Variants in BAZ1B observed in about 807,000 individuals in gnomAD.
The protein encoded by BAZ1B is bromodomain adjacent to zinc finger domain 1B, also known as tyrosine-protein kinase BAZ1B.
In BAZ1B, 22 loss-of-function variants were observed where a neutral mutation model predicts 153.8. The ratio of observed to expected loss-of-function variants is 0.14; its 90% CI spans 0.10 to 0.20. The LOEUF (loss-of-function observed/expected upper bound fraction) is 0.20, where lower values mean the gene tolerates loss of function less well. Ranked by LOEUF, BAZ1B falls within the 10% of genes least tolerant of loss-of-function variation. The pLI is 1.00. For missense variants in BAZ1B, 1,325 were observed against 1,799.3 expected (o/e 0.74, Z 4.77); for synonymous variants, 676 against 633.4 (o/e 1.07, Z -1.01).
chr7:73,470,395 G>C lies in BAZ1B; in HGVS notation c.2682C>G (p.Ala894=), dbSNP rs146705915. The C allele has an allele frequency of 3.1e-6, 5 of 1,613,976 alleles. No homozygotes were observed. The African/African-American group carries it at 5.3e-5, about 17-fold the overall frequency. ...EKAFQEGIAK[A]KLVMRRTPIG... is the part of the protein sequence containing the mutation. ...TAGGAGTCCTGCGCATGACTAGTTT[G>C]GCCTTGGCAATCCCTTCCTGGAAAG... The change falls in exon 8 of 20, where the codon GCC becomes GCG. Residue 894 remains alanine, a synonymous_variant. Coordinates refer to ENST00000339594, the MANE Select transcript of BAZ1B (RefSeq NM_032408.4).
chr7:73,509,878 G>A (rs1048527593), intron 2 of BAZ1B, among the ~76,000 whole-genome samples: 5 of 152,078 alleles, frequency 3.3e-5, no homozygotes, highest in African/African-American at 1.2e-4. Flanking sequence ...TGTAATCCCA[G>A]CACTTTGGGA....
At chr7:73,501,686 C>T (rs572411373) in intron 3 of BAZ1B, among the ~76,000 whole-genome samples, 7 of 152,226 alleles carry the variant, frequency 4.6e-5, no homozygotes, top group Non-Finnish European at 8.8e-5. Context: ...GGCCTTCACA[C>T]ACCCTGTTCT....
chr7:73,489,117 T>G (rs932232182), intron 6 of BAZ1B, 77 bp downstream of exon 6: 1 of 1,426,952 alleles, frequency 7.0e-7, no homozygotes, highest in Admixed American at 2.0e-5. Flanking sequence ...AAACCTGCTA[T>G]AAATATAAAT....
At chr7:73,456,373 A>G (rs1198153320) in intron 13 of BAZ1B, among the ~76,000 whole-genome samples, 1 of 152,238 alleles carries the variant, frequency 6.6e-6, no homozygotes, top group Non-Finnish European at 1.5e-5. Context: ...AAGGCTACCC[A>G]TGGAACTGGA....
chr7:73,459,557 C>G lies in BAZ1B; in HGVS notation c.3411G>C (p.Lys1137Asn). 1 of 1,612,948 alleles carries G rather than the reference C, an allele frequency of 6.2e-7. No homozygotes were observed. Among genetic ancestry groups the G allele is most frequent in the Admixed American group, 1.7e-5 (1 of 59,538 alleles). ...ATACCTTTGCTTCCTCTACCATTTT[C>G]TTCTCTTCATCCACTTCCTCAGTTT... The part of the protein sequence containing the change: ...SAKTEEVDEE[K>N]KMVEEAKVAS... The change falls in exon 13 of 20, where the codon AAG becomes AAC. Residue 1137 changes from lysine (K) to asparagine (N), a missense_variant. Transcript: ENST00000339594.
chr7:73,443,930 G>A, intron 17 of BAZ1B, 54 bp downstream of exon 17: 1 of 1,608,458 alleles, frequency 6.2e-7, no homozygotes, highest in Non-Finnish European at 8.5e-7. Context: ...CTAATTGCTG[G>A]GGTAGGGAAT....
At position 73,447,477 on chromosome 7, in the gene BAZ1B, A is replaced by G. The variant is rs147248214; in HGVS notation, c.3729-98T>C. ...CAGGGATCAGGAAACTTCTCTTCAC[A>G]GACTACATATGTATAACGTATGATA... On this transcript the variant is annotated intron_variant, in intron 15 of 19. Transcript: ENST00000339594. The G allele has an allele frequency of 6.5e-5, 89 of 1,376,244 alleles. No homozygotes were observed. The African/African-American group carries it at 1.2e-3, about 18-fold the overall frequency. 85.3% of individuals were successfully genotyped at this position (1,376,244 alleles called of 1,614,324 possible).
At chr7:73,501,443 G>A (rs922326080) in intron 3 of BAZ1B, among the ~76,000 whole-genome samples, 2 of 152,114 alleles carry the variant, frequency 1.3e-5, no homozygotes, top group Non-Finnish European at 2.9e-5. Flanking sequence ...TCCCAGTACA[G>A]TACAGGGGTA....
At chr7:73,462,231 A>G (rs1788421508) in intron 12 of BAZ1B, among the ~76,000 whole-genome samples, 2 of 152,150 alleles carry the variant, frequency 1.3e-5, no homozygotes, top group South Asian at 2.1e-4. Flanking sequence ...AGGGGACTTC[A>G]TTTCTTTAAA....
chr7:73,486,305 T>C (rs1205301827), intron 6 of BAZ1B, among the ~76,000 whole-genome samples: 1 of 152,108 alleles, frequency 6.6e-6, no homozygotes, highest in African/African-American at 2.4e-5. Flanking sequence ...GCCCTCACTA[T>C]GGGTCCTTTG....
intron 9 of BAZ1B, among the ~76,000 whole-genome samples, chr7:73,468,947 T>C (rs1788694680): frequency 6.6e-6 from 1 of 152,058 alleles, no homozygotes; most frequent in Admixed American, 6.6e-5. Flanking sequence ...TTGGCCAACA[T>C]GGCGAAACCC....
chr7:73,493,738 C>T (rs1272948339), intron 4 of BAZ1B, among the ~76,000 whole-genome samples: 1 of 149,014 alleles, frequency 6.7e-6, no homozygotes, highest in African/African-American at 2.5e-5. Flanking sequence ...GCAACTTGGG[C>T]GGCTAGGGTA....
intron 9 of BAZ1B, among the ~76,000 whole-genome samples, chr7:73,468,704 A>G (rs1788685505): frequency 6.6e-6 from 1 of 152,106 alleles, no homozygotes; most frequent in Admixed American, 6.5e-5. Context: ...TTCGTTAGGT[A>G]TTTGCCATGT....
chr7:73,476,336 A>C (rs541086080), intron 7 of BAZ1B, among the ~76,000 whole-genome samples: 1 of 152,336 alleles, frequency 6.6e-6, no homozygotes, highest in African/African-American at 2.4e-5. Flanking sequence ...CTGCTTTTTA[A>C]AAGTTCAGAT....
chr7:73,501,091 T>C (rs1790113557), intron 3 of BAZ1B, among the ~76,000 whole-genome samples: 2 of 151,814 alleles, frequency 1.3e-5, no homozygotes, highest in South Asian at 4.1e-4. Flanking sequence ...GCCCCGTCTC[T>C]ACTAAAAATA....
At chr7:73,457,566 G>A (rs1469278636) in intron 13 of BAZ1B, among the ~76,000 whole-genome samples, 1 of 152,208 alleles carries the variant, frequency 6.6e-6, no homozygotes, top group Non-Finnish European at 1.5e-5. Flanking sequence ...TCAACAAAAT[G>A]TGGTACATAG....
At chr7:73,469,734 G>GTA (rs1788725951) in intron 8 of BAZ1B, 84 bp from the exon 9 acceptor site, 1 of 1,493,760 alleles carries the variant, frequency 6.7e-7, no homozygotes, top group Admixed American at 1.7e-5. Flanking sequence ...ATAATACAGA[G>GTA]TATCACTGAG....
intron 12 of BAZ1B, among the ~76,000 whole-genome samples, chr7:73,461,061 C>T (rs903998374): frequency 1.3e-4 from 20 of 151,976 alleles, no homozygotes; most frequent in African/African-American, 4.3e-4. Flanking sequence ...CTGCAACCTC[C>T]GCCTCCCGGG....
chr7:73,518,539 A>C (rs1292333540), intron 1 of BAZ1B, among the ~76,000 whole-genome samples: 1 of 152,084 alleles, frequency 6.6e-6, no homozygotes, highest in Non-Finnish European at 1.5e-5. Flanking sequence ...ATAGCTACTC[A>C]ACTCTTAACA....
Sources: allele counts gnomAD v4.1 joint callset (sites outside exome capture counted in the v4.1 genomes callset), GRCh38; gene constraint gnomAD v4.1.1; transcripts MANE v1.5; gene names NCBI Gene and HGNC (gene_info 2026-07-23, HGNC 2026-07-21).